ZNF521: variants seen among roughly 807,000 people sequenced by gnomAD.
ZNF521 encodes LYST-interacting protein 3.
In ZNF521, 14 loss-of-function variants were observed where a neutral mutation model predicts 105.5. The ratio of observed to expected loss-of-function variants is 0.13; its 90% CI spans 0.09 to 0.21. The LOEUF is 0.21. Ranked by LOEUF, ZNF521 falls within the 10% of genes least tolerant of loss-of-function variation. The pLI is 1.00. For synonymous variants in ZNF521, 635 were observed against 606.0 expected, an observed-to-expected ratio of 1.05 and a Z score of -0.70; for missense variants, 1,233 against 1,629.7, an observed-to-expected ratio of 0.76 and a Z score of 4.19.
chr18:25,279,780 C>A (rs538619278), intron 3 of ZNF521, among the ~76,000 whole-genome samples: 2 of 152,154 alleles, frequency 1.3e-5, no homozygotes, highest in African/African-American at 2.4e-5. Context: ...AATGACTAAC[C>A]ACTTGAGCTC....
intron 5 of ZNF521, among the ~76,000 whole-genome samples, chr18:25,113,734 A>G (rs546653500): frequency 2.7e-4 from 39 of 143,144 alleles, no homozygotes; most frequent in Non-Finnish European, 2.6e-4. Flanking sequence ...AGACAGACAG[A>G]CAGGCAGGCA....
At chr18:25,268,640 A>T (rs1909432346) in intron 3 of ZNF521, among the ~76,000 whole-genome samples, 1 of 152,244 alleles carries the variant, frequency 6.6e-6, no homozygotes, top group Non-Finnish European at 1.5e-5. Flanking sequence ...TTCTTAAAGA[A>T]AAGAACTTAC....
Position 25,285,077 on chromosome 18 carries a change from A to C in ZNF521, c.220+36931T>G, listed in dbSNP as rs1256466176. ...GCCAGAAAAGGGAAAAAAAAAAAAA[A>C]CACTTCAACCCATCTCTCTCAAATT... On this transcript the variant is annotated intron_variant, in intron 3 of 7. Coordinates refer to ENST00000361524, the MANE Select transcript of ZNF521 (RefSeq NM_015461.3). 2.6e-5 allele frequency among the ~76,000 whole-genome samples: 4 copies of C among 151,928 alleles called. No individual in the cohort carries two copies. In the East Asian group the frequency reaches 7.8e-4, roughly 29 times the overall value.
intron 7 of ZNF521, among the ~76,000 whole-genome samples, chr18:25,086,393 G>C (rs1260399731): frequency 6.6e-6 from 1 of 151,918 alleles, no homozygotes; most frequent in African/African-American, 2.4e-5. Context: ...CAAATGCAAA[G>C]GACCATGAAT....
At chr18:25,179,236 C>G (rs1229633283) in intron 5 of ZNF521, among the ~76,000 whole-genome samples, 1 of 139,350 alleles carries the variant, frequency 7.2e-6, no homozygotes, top group Admixed American at 7.7e-5. Flanking sequence ...TCACTGCAAC[C>G]TCTGCCTCCC....
chr18:25,064,057 A>G (rs942464592), intron 7 of ZNF521, among the ~76,000 whole-genome samples: 2 of 152,248 alleles, frequency 1.3e-5, no homozygotes, highest in African/African-American at 4.8e-5. Flanking sequence ...ATCTATTGAA[A>G]ACGCACATCA....
At chr18:25,347,417 G>A (rs936632661) in intron 2 of ZNF521, among the ~76,000 whole-genome samples, 8 of 152,174 alleles carry the variant, frequency 5.3e-5, no homozygotes, top group Non-Finnish European at 8.8e-5. Context: ...GGCTTTGAAA[G>A]GCAGGAGGGG....
At chr18:25,300,132 G>A (rs1192505401) in intron 3 of ZNF521, among the ~76,000 whole-genome samples, 1 of 152,160 alleles carries the variant, frequency 6.6e-6, no homozygotes, top group African/African-American at 2.4e-5. Context: ...GACGAGACAT[G>A]TGGAAAGGAC....
intron 5 of ZNF521, among the ~76,000 whole-genome samples, chr18:25,153,409 G>A (rs2035083850): frequency 6.6e-6 from 1 of 152,114 alleles, no homozygotes; most frequent in Admixed American, 6.5e-5. Flanking sequence ...TCTGGTACTG[G>A]GATAATGAGA....
chr18:25,126,859 G>A (rs1448582417), intron 5 of ZNF521, among the ~76,000 whole-genome samples: 3 of 152,016 alleles, frequency 2.0e-5, no homozygotes, highest in Non-Finnish European at 4.4e-5. Context: ...GGCACTGCAG[G>A]AAAGGACATC....
chr18:25,163,755 T>C (rs1326493210), intron 5 of ZNF521, among the ~76,000 whole-genome samples: 1 of 152,190 alleles, frequency 6.6e-6, no homozygotes, highest in Non-Finnish European at 1.5e-5. Flanking sequence ...GCAGGATGAA[T>C]TGCTGTGTTG....
intron 4 of ZNF521, among the ~76,000 whole-genome samples, chr18:25,211,516 T>C (rs1218117429): frequency 6.6e-6 from 1 of 152,220 alleles, no homozygotes; most frequent in African/African-American, 2.4e-5. Flanking sequence ...ACATGTTCAC[T>C]GGACCTTCAT....
intron 5 of ZNF521, among the ~76,000 whole-genome samples, chr18:25,104,129 A>AT (rs2034025096): frequency 2.0e-5 from 3 of 152,196 alleles, no homozygotes; most frequent in Admixed American, 2.0e-4. Context: ...ATAATGTCAA[A>AT]TTATAAATAT....
intron 2 of ZNF521, among the ~76,000 whole-genome samples, chr18:25,335,389 T>G (rs766949690): frequency 1.3e-5 from 2 of 152,154 alleles, no homozygotes; most frequent in Non-Finnish European, 2.9e-5. Flanking sequence ...TAAACTCTCA[T>G]GATCTGTATC....
Position 25,338,243 on chromosome 18 carries a change from A to C in ZNF521, c.40+12664T>G, listed in dbSNP as rs1913998043. 5.2e-5 allele frequency among the ~76,000 whole-genome samples: 7 copies of C among 134,772 alleles called. No individual in the cohort carries two copies. The South Asian group carries it at 1.9e-3, about 36-fold the overall frequency. 88.4% of individuals were successfully genotyped at this position (134,772 alleles called of 152,430 possible). ...GGATGGTTAGGGGTTGAATTCAAAC[A>C]ACCTCTCATAGACTTTTGTGTGTGT... On this transcript the variant is annotated intron_variant, in intron 2 of 7. Transcript: ENST00000361524.
At chr18:25,259,306 T>C (rs748153719) in intron 3 of ZNF521, among the ~76,000 whole-genome samples, 23 of 152,162 alleles carry the variant, frequency 1.5e-4, no homozygotes, top group Non-Finnish European at 3.4e-4. Context: ...CTTGGCCAAG[T>C]CTGGATTTGT....
intron 4 of ZNF521, among the ~76,000 whole-genome samples, chr18:25,213,177 ATAT>A (rs1479643798): frequency 8.6e-5 from 11 of 127,860 alleles, no homozygotes; most frequent in African/African-American, 2.9e-4. Context: ...ATTATAACAT[ATAT>A]TATAATGATA....
intron 3 of ZNF521, among the ~76,000 whole-genome samples, chr18:25,319,075 A>AG (rs796282303): frequency 3.3e-5 from 5 of 152,298 alleles, no homozygotes; most frequent in African/African-American, 1.2e-4. Context: ...ATAATGATGG[A>AG]GGCATATTAA....
At chr18:25,186,904 T>TAAAAAAAAAAAAAAAA (rs113619835) in intron 5 of ZNF521, among the ~76,000 whole-genome samples, 1 of 74,276 alleles carries the variant, frequency 1.3e-5, no homozygotes, top group Non-Finnish European at 3.1e-5. Flanking sequence ...AAAGTAATGC[T>TAAAAAAAAAAAAAAAA]AAAAAAAAAA....
Sources: gnomAD v4.1 joint callset for allele counts (sites outside exome capture counted in the v4.1 genomes callset) on GRCh38, gnomAD v4.1.1 for gene constraint, MANE v1.5 for transcripts, NCBI Gene and HGNC (gene_info 2026-07-23, HGNC 2026-07-21) for gene names.